MACROD2: variants seen among roughly 807,000 people sequenced by gnomAD.
MACROD2 encodes the protein ADP-ribose glycohydrolase MACROD2.
MACROD2 carries 36 observed loss-of-function variants against 70.4 expected under a neutral mutation model. The ratio of observed to expected loss-of-function variants is 0.51; its 90% CI spans 0.39 to 0.68. The LOEUF is 0.68. MACROD2 is among the 30% of genes least tolerant of loss of function. MACROD2 has a pLI of 0.00. For synonymous variants in MACROD2, 172 were observed against 178.8 expected (o/e 0.96, Z 0.30); for missense variants, 496 against 538.4 (o/e 0.92, Z 0.78).
Position 14,176,294 on chromosome 20 carries a change from C to T in MACROD2, c.271+90566C>T, listed in dbSNP as rs200524786. Among the ~76,000 whole-genome samples, 8 of 152,284 alleles carry T rather than the reference C, an allele frequency of 5.3e-5. No homozygotes were observed. In the East Asian group the frequency reaches 9.6e-4, roughly 18 times the overall value. On this transcript the variant is annotated intron_variant, in intron 3 of 17. Transcript: ENST00000684519. Reference sequence around the variant, plus strand: ...TTCAAAATAATTAAAATTCATAAAACACATGTAACAGATGGCATAAGTGTT... The same window carrying T: ...TTCAAAATAATTAAAATTCATAAAATACATGTAACAGATGGCATAAGTGTT...
At chr20:14,957,086 C>CGGG (rs2074543673) in intron 5 of MACROD2, among the ~76,000 whole-genome samples, 1 of 152,048 alleles carries the variant, frequency 6.6e-6, no homozygotes, top group Non-Finnish European at 1.5e-5. Flanking sequence ...ACATTAAAAA[C>CGGG]ACATTATCAA....
chr20:14,643,403 T>C (rs990212268), intron 4 of MACROD2, among the ~76,000 whole-genome samples: 2 of 152,216 alleles, frequency 1.3e-5, no homozygotes, highest in African/African-American at 4.8e-5. Context: ...CTCATGTCAT[T>C]GCCAGCTAGT....
At chr20:15,375,345 G>A (rs1297057417) in intron 6 of MACROD2, among the ~76,000 whole-genome samples, 3 of 151,642 alleles carry the variant, frequency 2.0e-5, no homozygotes, top group African/African-American at 7.3e-5. Context: ...GAACAACAAG[G>A]TGAAGAAAAT....
At chr20:15,501,046 C>T (rs2047358577) in intron 8 of MACROD2, among the ~76,000 whole-genome samples, 1 of 152,134 alleles carries the variant, frequency 6.6e-6, no homozygotes, top group Admixed American at 6.5e-5. Context: ...CATTTGCCTT[C>T]AAAAGGTTAA....
chr20:14,131,833 C>T lies in MACROD2; in HGVS notation c.271+46105C>T, dbSNP rs111653237. The stretch of plus-strand genomic sequence containing the variant: ...GCCTTTGGTTTAAGAGATTCTCTTA[C>T]GGTTTAAGAGATTCTCGGCCGCGCG... On this transcript the variant is annotated intron_variant, in intron 3 of 17. Transcript: ENST00000684519. Among the ~76,000 whole-genome samples the T allele has an allele frequency of 3.1e-3, 475 of 151,962 alleles. 7 individuals carry two copies. Among genetic ancestry groups the T allele is most frequent in the African/African-American group, 0.011 (449 of 41,430 alleles).
chr20:14,674,019 A>G (rs1430274221), intron 4 of MACROD2, among the ~76,000 whole-genome samples: 2 of 152,074 alleles, frequency 1.3e-5, no homozygotes, highest in Non-Finnish European at 2.9e-5. Context: ...AAAGTGCTTT[A>G]TAAAATGTAA....
At chr20:14,689,729 C>T (rs564817979) in intron 5 of MACROD2, among the ~76,000 whole-genome samples, 1 of 152,282 alleles carries the variant, frequency 6.6e-6, no homozygotes, top group South Asian at 2.1e-4. Flanking sequence ...CTAAAAATGC[C>T]TTCTTTTTTC....
intron 8 of MACROD2, among the ~76,000 whole-genome samples, chr20:15,820,354 C>G (rs2063926490): frequency 6.6e-6 from 1 of 152,028 alleles, no homozygotes. Flanking sequence ...CCACACCCAG[C>G]TAATTTTTAT....
intron 6 of MACROD2, among the ~76,000 whole-genome samples, chr20:15,421,154 G>T (rs1451004335): frequency 6.6e-5 from 10 of 152,112 alleles, no homozygotes. Flanking sequence ...GAGACAGGCG[G>T]ATTGCTTGAA....
intron 5 of MACROD2, among the ~76,000 whole-genome samples, chr20:15,004,478 G>A (rs1216385422): frequency 6.6e-6 from 1 of 152,078 alleles, no homozygotes; most frequent in East Asian, 1.9e-4. Flanking sequence ...TAAGTACACA[G>A]GGCTATTTAT....
chr20:14,173,333 T>C (rs2081238517), intron 3 of MACROD2, among the ~76,000 whole-genome samples: 5 of 152,214 alleles, frequency 3.3e-5, no homozygotes, highest in Admixed American at 2.6e-4. Context: ...TTTTCGTCTT[T>C]GTTAGATTGA....
intron 7 of MACROD2, among the ~76,000 whole-genome samples, chr20:15,441,856 G>A (rs1008149681): frequency 2.0e-5 from 3 of 152,064 alleles, no homozygotes; most frequent in South Asian, 4.1e-4. Flanking sequence ...GAAACAGTAA[G>A]CCTTTTAAGG....
chr20:15,692,847 T>C (rs1486666872), intron 8 of MACROD2, among the ~76,000 whole-genome samples: 5 of 152,202 alleles, frequency 3.3e-5, no homozygotes, highest in African/African-American at 9.7e-5. Flanking sequence ...AAATCTCATT[T>C]TGAATTGCAA....
At chr20:15,828,442 A>T (rs1338883148) in intron 8 of MACROD2, among the ~76,000 whole-genome samples, 1 of 152,192 alleles carries the variant, frequency 6.6e-6, no homozygotes, top group Non-Finnish European at 1.5e-5. Flanking sequence ...AAATGATCAG[A>T]TTCTACTCTA....
intron 6 of MACROD2, among the ~76,000 whole-genome samples, chr20:15,390,591 A>G (rs1425334195): frequency 2.0e-5 from 3 of 152,156 alleles, no homozygotes; most frequent in Admixed American, 1.3e-4. Context: ...TCCATGAATT[A>G]AATGGATATC....
chr20:15,650,410 C>T (rs887692248), intron 8 of MACROD2, among the ~76,000 whole-genome samples: 7 of 152,126 alleles, frequency 4.6e-5, no homozygotes, highest in African/African-American at 1.7e-4. Context: ...TCCATACTAC[C>T]GCCTTTCTTT....
chr20:15,955,988 T>C (rs931527074), intron 12 of MACROD2, among the ~76,000 whole-genome samples: 3 of 152,106 alleles, frequency 2.0e-5, no homozygotes, highest in Admixed American at 6.5e-5. Flanking sequence ...AAACTAAAAA[T>C]AAATTATTGA....
chr20:14,549,756 A>G (rs1978532048), intron 4 of MACROD2, among the ~76,000 whole-genome samples: 1 of 152,148 alleles, frequency 6.6e-6, no homozygotes. Flanking sequence ...AAAGGAATAC[A>G]ATGTGATCTT....
At chr20:15,849,019 G>A (rs1242422750) in intron 8 of MACROD2, among the ~76,000 whole-genome samples, 2 of 152,170 alleles carry the variant, frequency 1.3e-5, no homozygotes, top group South Asian at 2.1e-4. Context: ...GATATAAAGC[G>A]ACAATCAAAG....
Sources: allele counts gnomAD v4.1 joint callset (sites outside exome capture counted in the v4.1 genomes callset), GRCh38; gene constraint gnomAD v4.1.1; transcripts MANE v1.5; gene names NCBI Gene and HGNC (gene_info 2026-07-23, HGNC 2026-07-21).